RBM5: variants seen among roughly 807,000 people sequenced by gnomAD.
The protein encoded by RBM5 is RNA binding motif protein 5.
RBM5 carries 15 observed loss-of-function variants against 124.6 expected under a neutral mutation model. That is an observed-to-expected ratio of 0.12 (90% CI 0.08 to 0.19). The LOEUF (loss-of-function observed/expected upper bound fraction) is 0.19. RBM5 is among the 10% of genes least tolerant of loss of function. RBM5 has a pLI of 1.00. For synonymous variants in RBM5, 337 were observed against 361.2 expected (o/e 0.93, Z 0.76); for missense variants, 580 against 1,026.5 (o/e 0.57, Z 5.94).
At chr3:50,093,299 C>T (rs560185905) in intron 3 of RBM5, among the ~76,000 whole-genome samples, 68 of 150,920 alleles carry the variant, frequency 4.5e-4, no homozygotes, top group Non-Finnish European at 8.8e-4. Context: ...ATTAGCTGGG[C>T]GTGGTGGCAA....
At chr3:50,107,600 G>A in intron 12 of RBM5, 31 bp downstream of exon 12, 1 of 1,506,766 alleles carries the variant, frequency 6.6e-7, no homozygotes, top group Non-Finnish European at 9.2e-7. Context: ...GCTCAAGGTA[G>A]TGTGGTGGTG....
chr3:50,114,262 A>T lies in RBM5; in HGVS notation c.1839+11A>T. 6.3e-7 allele frequency: 1 copy of T among 1,596,466 alleles called. No individual in the cohort carries two copies. The highest frequency in any genetic ancestry group is 2.2e-5 in the East Asian group (1 of 44,840). On this transcript the variant is annotated intron_variant, in intron 20 of 24. Transcript: ENST00000347869. Reference sequence around the variant, plus strand: ...GAGAATCCCCTCAAAGTAAGGGAGTACCACCAGTGTTTTAAAGACCCTATC... The same window carrying T: ...GAGAATCCCCTCAAAGTAAGGGAGTTCCACCAGTGTTTTAAAGACCCTATC...
chr3:50,110,958 T>C lies in RBM5; in HGVS notation c.1455+188T>C, dbSNP rs1178052712. ...TTTAATTGTAGGGTTAAAAAATGTT[T>C]TGAGGTATAATATACACACAAAAAA... is the stretch of plus-strand genomic sequence containing the variant. On this transcript the variant is annotated intron_variant, in intron 17 of 24. Coordinates refer to ENST00000347869, the MANE Select transcript of RBM5 (RefSeq NM_005778.4). 6.9e-6 allele frequency: 4 copies of C among 576,998 alleles called. No individual in the cohort carries two copies. In the East Asian group the frequency reaches 1.2e-4, roughly 17 times the overall value. The allele number at this position is 576,998 out of a possible 1,614,324, so 35.7% of individuals were successfully genotyped here.
At chr3:50,099,720 C>T (rs2090899716) in intron 4 of RBM5, 2 of 230,622 alleles carry the variant, frequency 8.7e-6, no homozygotes, top group Non-Finnish European at 1.7e-5. Flanking sequence ...AAATCAGTCA[C>T]GCATGGTGGT....
Position 50,100,125 on chromosome 3 carries a change from A to G in RBM5, c.409+74A>G, listed in dbSNP as rs763341830. 3.1e-6 allele frequency: 4 copies of G among 1,309,304 alleles called. No homozygotes were observed. Among genetic ancestry groups the G allele is most frequent in the Non-Finnish European group, 4.3e-6 (4 of 926,286 alleles). The allele number at this position is 1,309,304 out of a possible 1,614,324, so 81.1% of individuals were successfully genotyped here. Reference sequence around the variant, plus strand: ...ACCTCAGTCCCTAAAGAACATCCTGATTCCCCCAGTCTTCAAGCACATGAA... The same window carrying G: ...ACCTCAGTCCCTAAAGAACATCCTGGTTCCCCCAGTCTTCAAGCACATGAA... On this transcript the variant is annotated intron_variant, in intron 5 of 24. Transcript: ENST00000347869. The surrounding 1 kb of genome is among the most constrained non-coding windows in gnomAD (Gnocchi z 5.1).
intron 3 of RBM5, 129 bp from the exon 4 acceptor site, chr3:50,093,591 G>A: frequency 1.9e-6 from 2 of 1,027,134 alleles, no homozygotes; most frequent in Non-Finnish European, 1.4e-6. Flanking sequence ...AAAAATTGCA[G>A]TGAACATTAC....
chr3:50,118,477 T>G lies in RBM5; in HGVS notation c.*21T>G, dbSNP rs1166701125. 2.5e-6 allele frequency: 4 copies of G among 1,600,558 alleles called. No individual in the cohort carries two copies. The South Asian group carries it at 4.5e-5, about 18-fold the overall frequency. ...AGTGAGAGAGAGAGAGAGAGAGAGA[T>G]GACAAGGAGCACAAGAAGTGGTCCA... On this transcript the variant is annotated 3_prime_UTR_variant, in exon 25 of 25. Coordinates refer to ENST00000347869, the MANE Select transcript of RBM5 (RefSeq NM_005778.4).
intron 4 of RBM5, among the ~76,000 whole-genome samples, chr3:50,095,952 CAAA>C (rs1397509223): frequency 6.6e-6 from 1 of 152,108 alleles, no homozygotes; most frequent in Admixed American, 6.5e-5. Context: ...GGATAAAGCT[CAAA>C]ATAAGCATTG....
intron 11 of RBM5, 113 bp from the exon 12 acceptor site, chr3:50,107,369 C>A: frequency 1.2e-6 from 1 of 850,794 alleles, no homozygotes; most frequent in Non-Finnish European, 2.0e-6. Flanking sequence ...GAAATGTGGC[C>A]TTGCTGGCAT....
intron 4 of RBM5, among the ~76,000 whole-genome samples, chr3:50,095,650 C>G (rs1220177337): frequency 6.6e-6 from 1 of 151,782 alleles, no homozygotes; most frequent in Non-Finnish European, 1.5e-5. Flanking sequence ...CCTGATCTAT[C>G]GGGCAGAGCT....
Position 50,117,264 on chromosome 3 carries a change from C to T in RBM5, c.2207C>T (p.Pro736Leu). 1 of 1,614,196 alleles carries T rather than the reference C, an allele frequency of 6.2e-7. No homozygotes were observed. Among genetic ancestry groups the T allele is most frequent in the South Asian group, 1.1e-5 (1 of 91,086 alleles). Residue 736 changes from proline to leucine, a missense_variant, in exon 24 of 25, where the codon CCC (proline) becomes CTC (leucine). Physicochemically the swap from Pro to Leu is moderately conservative, Grantham distance 98. Around this residue, in one of 6 missense-constraint regions of RBM5, gnomAD observed 234 missense variants for 435.1 expected, o/e 0.54. Coordinates refer to ENST00000347869, the MANE Select transcript of RBM5 (RefSeq NM_005778.4). The surrounding 1 kb of genome is among the most constrained non-coding windows in gnomAD (Gnocchi z 4.2). ...GCCACTGGCAGGAATTACGAGCAAC[C>T]CACCAAAGATGGCATTGACCACAGT... ...FDAGTVNYEQ[P>L]TKDGIDHSNI...
intron 20 of RBM5, 23 bp downstream of exon 20, chr3:50,114,274 T>C (rs1258939874): frequency 6.3e-7 from 1 of 1,587,126 alleles, no homozygotes; most frequent in Non-Finnish European, 8.5e-7. Context: ...CACCAGTGTT[T>C]TAAAGACCCT....
intron 24 of RBM5, chr3:50,118,077 C>T: frequency 1.9e-6 from 1 of 524,522 alleles, no homozygotes; most frequent in Non-Finnish European, 3.4e-6. Flanking sequence ...GGGCCCTTTC[C>T]TAGGCGTGGA....
rs1408415622 is a variant in RBM5 at position 50,115,301 on chromosome 3, T to C, written c.1840-127T>C. ...CAGTTGACAAAATGTGATTCATTAC[T>C]AAAGTGTGACATGCAGTAATGGGGA... is the stretch of plus-strand genomic sequence containing the variant. On this transcript the variant is annotated intron_variant, in intron 20 of 24. Transcript: ENST00000347869. The C allele has an allele frequency of 1.0e-4, 115 of 1,154,520 alleles. 1 individual carries two copies. The highest frequency in any genetic ancestry group is 9.1e-5 in the Non-Finnish European group (73 of 804,612). The allele number at this position is 1,154,520 out of a possible 1,614,324, so 71.5% of individuals were successfully genotyped here.
chr3:50,115,785 T>C (rs2091239289), intron 21 of RBM5, 121 bp from the exon 22 acceptor site: 1 of 1,201,380 alleles, frequency 8.3e-7, no homozygotes, highest in Non-Finnish European at 1.2e-6. Flanking sequence ...ACTATAGTTT[T>C]TATGTGATTG....
chr3:50,106,107 C>G (rs191845250), intron 10 of RBM5, among the ~76,000 whole-genome samples: 1 of 143,050 alleles, frequency 7.0e-6, no homozygotes, highest in African/African-American at 2.7e-5. Context: ...TGCCCGCCAC[C>G]ACGCCCAGCT....
intron 2 of RBM5, among the ~76,000 whole-genome samples, chr3:50,091,014 C>T (rs1244941813): frequency 6.6e-6 from 1 of 152,200 alleles, no homozygotes; most frequent in Non-Finnish European, 1.5e-5. Context: ...AAGATGAGAG[C>T]ATTTGGCTAT....
At chr3:50,116,861 C>T in intron 22 of RBM5, 4 of 550,472 alleles carry the variant, frequency 7.3e-6, no homozygotes, top group South Asian at 4.1e-5. Context: ...TAGTTCTGCC[C>T]CTGGTTCCAC....
At chr3:50,093,002 T>C in intron 3 of RBM5, 1 of 247,640 alleles carries the variant, frequency 4.0e-6, no homozygotes, top group Non-Finnish European at 7.6e-6. Flanking sequence ...TCACCCAGGC[T>C]GGAGTGCAGT....
Sources: gnomAD v4.1 joint callset for allele counts (sites outside exome capture counted in the v4.1 genomes callset) on GRCh38, gnomAD v4.1.1 for gene constraint, gnomAD v4.1.1 regional missense constraint, Gnocchi (gnomAD v3.1) non-coding constraint, MANE v1.5 for transcripts, NCBI Gene and HGNC (gene_info 2026-07-23, HGNC 2026-07-21) for gene names.